PCNT: variants seen among roughly 807,000 people sequenced by gnomAD.
The protein encoded by PCNT is kendrin.
Under a neutral mutation model 380.4 loss-of-function variants are expected in PCNT, and 319 were observed. That is an observed-to-expected ratio of 0.84 (90% confidence interval 0.77 to 0.92). The LOEUF (loss-of-function observed/expected upper bound fraction) is 0.92. Among genes scored for constraint, PCNT ranks in the 40% least tolerant of loss-of-function variants. The pLI is 0.00. For synonymous variants in PCNT, 1,845 were observed against 1,735.2 expected (o/e 1.06, Z -1.57); for missense variants, 4,400 against 4,255.3 (o/e 1.03, Z -0.95).
intron 21 of PCNT, among the ~76,000 whole-genome samples, chr21:46,393,024 T>C (rs1211959633): frequency 1.3e-5 from 2 of 152,362 alleles, no homozygotes; most frequent in East Asian, 3.9e-4. Context: ...CCGCACCTCC[T>C]GGCGTTGGGC....
At chr21:46,350,581 A>G (rs562660706) in intron 8 of PCNT, among the ~76,000 whole-genome samples, 32 of 152,210 alleles carry the variant, frequency 2.1e-4, no homozygotes, top group Non-Finnish European at 4.4e-4. Flanking sequence ...AATCAGAGAT[A>G]GGGTTAATCG....
chr21:46,389,662 C>G (rs763329651), intron 19 of PCNT, among the ~76,000 whole-genome samples: 5 of 152,360 alleles, frequency 3.3e-5, no homozygotes, highest in Admixed American at 6.5e-5. Flanking sequence ...TGCACTGTTG[C>G]AATTCCATGT....
At chr21:46,333,155 C>CATCATTA (rs2083610561) in intron 2 of PCNT, among the ~76,000 whole-genome samples, 1 of 151,766 alleles carries the variant, frequency 6.6e-6, no homozygotes, top group East Asian at 1.9e-4. Flanking sequence ...AATTCATGGC[C>CATCATTA]GGGCGCAGTG....
At chr21:46,368,015 C>T (rs989100363) in intron 15 of PCNT, among the ~76,000 whole-genome samples, 32 of 152,162 alleles carry the variant, frequency 2.1e-4, no homozygotes, top group Admixed American at 1.2e-3. Flanking sequence ...ATTCACCGGG[C>T]GTGGGGGCAC....
At chr21:46,413,654 A>C (rs545204463) in intron 29 of PCNT, among the ~76,000 whole-genome samples, 40 of 152,262 alleles carry the variant, frequency 2.6e-4, no homozygotes, top group African/African-American at 8.2e-4. Flanking sequence ...TCATGGGAGG[A>C]CCACATCGCC....
chr21:46,391,531 T>G (rs988038006), intron 21 of PCNT, among the ~76,000 whole-genome samples, 155 bp downstream of exon 21: 2 of 152,150 alleles, frequency 1.3e-5, no homozygotes, highest in African/African-American at 4.8e-5. Context: ...GGGAAGCTTG[T>G]GCGGATCAGG....
chr21:46,346,638 A>G, intron 4 of PCNT, 105 bp from the exon 5 acceptor site: 1 of 1,405,132 alleles, frequency 7.1e-7, no homozygotes, highest in African/African-American at 1.4e-5. Context: ...CTGCTGTTTC[A>G]TTTTCTGTGT....
At chr21:46,394,569 A>G in intron 21 of PCNT, 1 of 979,888 alleles carries the variant, frequency 1.0e-6, no homozygotes, top group Non-Finnish European at 1.2e-6. Context: ...TTTGTGTGTG[A>G]CGTGCTGTTT....
At position 46,402,424 on chromosome 21, in the gene PCNT, C is replaced by T. The variant is rs745413738; in HGVS notation, c.5056C>T (p.Gln1686Ter). The T allele has an allele frequency of 1.2e-6, 2 of 1,613,670 alleles. No homozygotes were observed. Among genetic ancestry groups the T allele is most frequent in the African/African-American group, 2.7e-5 (2 of 74,904 alleles). The change falls in exon 27 of 47, where the codon CAG becomes TAG. Residue 1686 changes from glutamine to a stop codon, truncating the protein, a stop_gained. Coordinates refer to ENST00000359568, the MANE Select transcript of PCNT (RefSeq NM_006031.6). LOFTEE classifies it high-confidence loss of function. ...ACATCTGAACTTAAAATTGGACATGCAGAACAGCCAGACTGCTGTCAGCCT... is the reference window on the plus strand; with the variant it reads ...ACATCTGAACTTAAAATTGGACATGTAGAACAGCCAGACTGCTGTCAGCCT... The part of the protein sequence containing the change: ...ILHLNLKLDM[Q>*]NSQTAVSLRE...
rs61735826 is a variant in PCNT, at chr21:46,436,140, C to A, written c.8988C>A (p.Ala2996=). The change falls in exon 39 of 47, where the codon GCC becomes GCA. Residue 2996 remains alanine, a synonymous_variant. Transcript: ENST00000359568. ...TTCTCACCAGCTTCACCAGCCAGGC[C>A]GTGGACAGGTGTGCACCCACGCCAC... The part of the protein sequence containing the change: ...ARLLTSFTSQ[A]VDRTVNDWTS... The A allele has an allele frequency of 1.2e-6, 2 of 1,607,550 alleles. No individual in the cohort carries two copies. Among genetic ancestry groups the A allele is most frequent in the African/African-American group, 1.3e-5 (1 of 74,930 alleles).
chr21:46,416,244 G>C lies in PCNT; in HGVS notation c.6326G>C (p.Ser2109Thr). Residue 2109 changes from serine (S) to threonine (T), a missense_variant, in exon 30 of 47, where the codon AGC (serine) becomes ACC (threonine). Transcript: ENST00000359568. ...GCCTCAGCACACCTGTTGGAGAGCA[G>C]CTGGAGTGATGATTCCTGTGACGGA... ...PMASAHLLESSWSDDSCDGEE... is the reference protein window; with the variant it reads ...PMASAHLLESTWSDDSCDGEE... The C allele has an allele frequency of 6.2e-7, 1 of 1,614,208 alleles. No homozygotes were observed. The highest frequency in any genetic ancestry group is 1.1e-5 in the South Asian group (1 of 91,082).
intron 45 of PCNT, 42 bp from the exon 46 acceptor site, chr21:46,444,647 CTTTTT>C (rs3058084): frequency 3.7e-4 from 546 of 1,468,196 alleles, no homozygotes; most frequent in Middle Eastern, 5.7e-4. Flanking sequence ...AAACTCAACT[CTTTTT>C]TTTTTTTTTT....
intron 27 of PCNT, among the ~76,000 whole-genome samples, chr21:46,410,344 T>A (rs1170314805): frequency 6.6e-6 from 1 of 152,198 alleles, no homozygotes; most frequent in African/African-American, 2.4e-5. Flanking sequence ...AATTGTGAGG[T>A]AGTTCCAGAG....
At chr21:46,418,394 G>A in intron 31 of PCNT, 88 bp downstream of exon 31, 1 of 853,902 alleles carries the variant, frequency 1.2e-6, no homozygotes, top group Non-Finnish European at 2.0e-6. Flanking sequence ...TCCTTTGCCT[G>A]GTTCTGCGTC....
In PCNT at chr21:46,407,466, C is replaced by T. The variant is rs181163654; in HGVS notation, c.5116-3723C>T. Among the ~76,000 whole-genome samples, 1,068 of 151,160 alleles carry T rather than the reference C, an allele frequency of 7.1e-3. 22 individuals are homozygous for T. Among genetic ancestry groups the T allele is most frequent in the African/African-American group, 0.025 (1,027 of 41,224 alleles). On this transcript the variant is annotated intron_variant, in intron 27 of 46. Transcript: ENST00000359568. ...AAGTGAGTCTCCTGCCTCAGCCTCC[C>T]GAGTAGCTGGGACTACAGGCGCCTG... is the stretch of plus-strand genomic sequence containing the variant.
At chr21:46,404,580 G>A (rs2086569896) in intron 27 of PCNT, among the ~76,000 whole-genome samples, 1 of 141,868 alleles carries the variant, frequency 7.0e-6, no homozygotes, top group African/African-American at 2.5e-5. Flanking sequence ...TTCTGGGTGT[G>A]ATTGACTGGG....
chr21:46,331,292 G>T (rs1309770079), intron 2 of PCNT, among the ~76,000 whole-genome samples: 1 of 152,098 alleles, frequency 6.6e-6, no homozygotes, highest in Non-Finnish European at 1.5e-5. Flanking sequence ...AAAGTGCTGG[G>T]ATTACAGGCA....
At chr21:46,347,095 C>A in intron 5 of PCNT, 97 bp downstream of exon 5, 2 of 1,402,112 alleles carry the variant, frequency 1.4e-6, no homozygotes, top group Non-Finnish European at 1.9e-6. Flanking sequence ...GGCGCCCTAG[C>A]ACCGTCTCCC....
chr21:46,403,069 G>T (rs1356336902), intron 27 of PCNT, among the ~76,000 whole-genome samples: 1 of 152,290 alleles, frequency 6.6e-6, no homozygotes, highest in Non-Finnish European at 1.5e-5. Flanking sequence ...CTTCACAGAT[G>T]CCCTTGAAAG....
Sources: gnomAD v4.1 joint callset for allele counts (sites outside exome capture counted in the v4.1 genomes callset) on GRCh38, gnomAD v4.1.1 for gene constraint, MANE v1.5 for transcripts, NCBI Gene and HGNC (gene_info 2026-07-23, HGNC 2026-07-21) for gene names.